CCDC171: variants seen among roughly 807,000 people sequenced by gnomAD.
The protein encoded by CCDC171 is coiled-coil domain-containing protein 171.
A neutral mutation model predicts 168.2 loss-of-function variants in CCDC171; 177 were observed. That is an observed-to-expected ratio of 1.05 (90% confidence interval 0.93 to 1.19). The LOEUF is 1.19. Ranked by LOEUF, CCDC171 falls within the 50% of genes most tolerant of loss-of-function variation. The pLI, the probability that CCDC171 is intolerant of heterozygous loss-of-function variation, is 0.00. For missense variants in CCDC171, 1,991 were observed against 1,539.0 expected (o/e 1.29, Z -4.91); for synonymous variants, 687 against 540.8 (o/e 1.27, Z -3.75).
intron 10 of CCDC171, among the ~76,000 whole-genome samples, chr9:15,684,461 C>G (rs760196698): frequency 6.6e-6 from 1 of 151,596 alleles, no homozygotes; most frequent in Non-Finnish European, 1.5e-5. Context: ...TCAACTTTTT[C>G]CATAGCAGAT....
intron 21 of CCDC171, among the ~76,000 whole-genome samples, chr9:15,845,292 G>A (rs562774614): frequency 2.6e-5 from 4 of 152,104 alleles, no homozygotes; most frequent in East Asian, 1.9e-4. Flanking sequence ...GTGGTGGAAC[G>A]TTTGTGAAGA....
At chr9:15,744,191 G>A (rs1459421299) in intron 16 of CCDC171, 82 bp from the exon 17 acceptor site, 3 of 1,159,054 alleles carry the variant, frequency 2.6e-6, no homozygotes, top group Admixed American at 5.8e-5. Flanking sequence ...GTCAGCAAAA[G>A]TTTGTTTTCT....
chr9:16,090,182 A>G, the CCDC171 span, among the ~76,000 whole-genome samples: 1 of 152,222 alleles, frequency 6.6e-6, no homozygotes, highest in Admixed American at 6.5e-5. Context: ...AATGCCCATC[A>G]ATGATAGAAT....
chr9:16,017,037 T>G (rs11999462), intron 3 of CCDC171, among the ~76,000 whole-genome samples: 2,771 of 152,248 alleles, frequency 0.018, 82 homozygotes, highest in African/African-American at 0.062. Flanking sequence ...ATATTGGATG[T>G]TGGGGCAGGG....
chr9:15,908,254 C>T (rs985084187), intron 24 of CCDC171, among the ~76,000 whole-genome samples: 3 of 152,124 alleles, frequency 2.0e-5, no homozygotes, highest in African/African-American at 7.2e-5. Flanking sequence ...TGGAACTAAC[C>T]CAAATGTCCA....
chr9:15,827,616 A>C (rs2060067385), intron 21 of CCDC171, among the ~76,000 whole-genome samples: 1 of 152,104 alleles, frequency 6.6e-6, no homozygotes, highest in African/African-American at 2.4e-5. Flanking sequence ...GGAATGCCAT[A>C]TCTTTCCTTA....
At chr9:15,853,550 T>G (rs77888384) in intron 23 of CCDC171, among the ~76,000 whole-genome samples, 2,341 of 151,694 alleles carry the variant, frequency 0.015, 73 homozygotes, top group African/African-American at 0.053. Flanking sequence ...ATGAGTATAG[T>G]TTTACTTAGT....
chr9:15,632,079 A>T (rs1386513119), intron 7 of CCDC171, among the ~76,000 whole-genome samples: 3 of 152,102 alleles, frequency 2.0e-5, no homozygotes, highest in Admixed American at 1.3e-4. Flanking sequence ...AAATGGGCAA[A>T]AACTGGAAGC....
intron 4 of CCDC171, among the ~76,000 whole-genome samples, chr9:15,589,911 A>G (rs1255434527): frequency 3.3e-5 from 5 of 152,228 alleles, no homozygotes; most frequent in African/African-American, 2.4e-5. Context: ...GAAATGTATG[A>G]TAAATCATCA....
chr9:15,560,786 C>G (rs983957415), intron 1 of CCDC171, among the ~76,000 whole-genome samples: 1 of 152,068 alleles, frequency 6.6e-6, no homozygotes, highest in Non-Finnish European at 1.5e-5. Context: ...TGAGGAGCTG[C>G]GTTCTTTTGG....
intron 3 of CCDC171, among the ~76,000 whole-genome samples, chr9:16,002,726 G>A (rs1001973515): frequency 6.6e-6 from 1 of 152,208 alleles, no homozygotes; most frequent in African/African-American, 2.4e-5. Flanking sequence ...CTGGCTTACT[G>A]ATAGAGCACC....
At chr9:15,560,686 C>T (rs2039222476) in intron 1 of CCDC171, among the ~76,000 whole-genome samples, 1 of 152,120 alleles carries the variant, frequency 6.6e-6, no homozygotes, top group Non-Finnish European at 1.5e-5. Context: ...CCTCCTTTAG[C>T]TCGGAGAAGT....
downstream of CCDC171, among the ~76,000 whole-genome samples, chr9:15,978,467 C>T (rs142997926): frequency 1.9e-3 from 291 of 152,276 alleles, no homozygotes; most frequent in African/African-American, 5.4e-3. Flanking sequence ...TCAGCTTCAG[C>T]GTCCCTCCTG....
intron 21 of CCDC171, among the ~76,000 whole-genome samples, chr9:15,792,753 C>T (rs969577498): frequency 7.2e-5 from 11 of 152,196 alleles, no homozygotes; most frequent in African/African-American, 2.7e-4. Flanking sequence ...AAATAAAATC[C>T]TTTATAGACA....
At chr9:15,663,286 C>G (rs916118385) in intron 8 of CCDC171, among the ~76,000 whole-genome samples, 5 of 152,094 alleles carry the variant, frequency 3.3e-5, no homozygotes, top group African/African-American at 9.7e-5. Flanking sequence ...TAATGTGAAG[C>G]ATTTTTTTTC....
chr9:15,916,267 G>A lies in CCDC171; in HGVS notation c.3601-4003G>A, dbSNP rs558777986. On this transcript the variant is annotated intron_variant, in intron 24 of 25. Transcript: ENST00000380701. The stretch of plus-strand genomic sequence containing the variant: ...TACCTGAGCCTTTATTATATGCCAG[G>A]TAGTTTAAGCTCATTTCATGTATTA... Among the ~76,000 whole-genome samples, 4 of 151,550 alleles carry A rather than the reference G, an allele frequency of 2.6e-5. No homozygotes were observed. In the South Asian group the frequency reaches 8.4e-4, roughly 32 times the overall value.
rs188462758 is a variant in CCDC171, at chr9:15,560,337, C to G, written c.-111-3641C>G. ...CTGAAGGGTGTTTTCCACTGGGTTCCATTCTCCCCGTCACTTTCAGGTACA... is the reference window on the plus strand; with the variant it reads ...CTGAAGGGTGTTTTCCACTGGGTTCGATTCTCCCCGTCACTTTCAGGTACA... On this transcript the variant is annotated intron_variant, in intron 1 of 25. Coordinates refer to ENST00000380701, the MANE Select transcript of CCDC171 (RefSeq NM_173550.4). 4.3e-4 allele frequency among the ~76,000 whole-genome samples: 66 copies of G among 152,260 alleles called. No individual in the cohort carries two copies. The Middle Eastern group carries it at 0.01, about 24-fold the overall frequency.
At chr9:15,759,402 C>A (rs1056939507) in intron 18 of CCDC171, among the ~76,000 whole-genome samples, 9 of 151,994 alleles carry the variant, frequency 5.9e-5, no homozygotes, top group African/African-American at 2.2e-4. Flanking sequence ...CCTGTATAAC[C>A]AGAATGCAAC....
intron 3 of CCDC171, among the ~76,000 whole-genome samples, chr9:15,985,471 C>G (rs1157237324): frequency 6.6e-6 from 1 of 152,142 alleles, no homozygotes; most frequent in Non-Finnish European, 1.5e-5. Context: ...GTCCTGGTAG[C>G]TAGGCTTTGT....
Sources: allele counts gnomAD v4.1 joint callset (sites outside exome capture counted in the v4.1 genomes callset), GRCh38; gene constraint gnomAD v4.1.1; transcripts MANE v1.5; gene names NCBI Gene and HGNC (gene_info 2026-07-23, HGNC 2026-07-21).